Variants in KCTD5 observed in about 807,000 individuals in gnomAD.
The protein encoded by KCTD5 is potassium channel tetramerization domain containing 5, also known as BTB/POZ domain-containing protein KCTD5.
Under a neutral mutation model 27.9 loss-of-function variants are expected in KCTD5, and 12 were observed. That is an observed-to-expected ratio of 0.43 (90% CI 0.28 to 0.70). The LOEUF (loss-of-function observed/expected upper bound fraction) is 0.70. Among genes scored for constraint, KCTD5 ranks in the 30% least tolerant of loss-of-function variants. The probability of loss-of-function intolerance (pLI) is 0.19; values close to 1 mark genes in which losing one functional copy is unlikely to be tolerated. For missense variants in KCTD5, 226 were observed against 274.8 expected, an observed-to-expected ratio of 0.82 and a Z score of 1.26; for synonymous variants, 147 against 121.4, an observed-to-expected ratio of 1.21 and a Z score of -1.39.
intron 1 of KCTD5, among the ~76,000 whole-genome samples, chr16:2,693,628 T>C (rs1022336558): frequency 1.2e-4 from 19 of 152,334 alleles, no homozygotes; most frequent in African/African-American, 4.3e-4. Context: ...CCTCCTGCCT[T>C]CATCCTTCCA....
chr16:2,703,351 G>A (rs2067621084), intron 5 of KCTD5, among the ~76,000 whole-genome samples: 1 of 152,154 alleles, frequency 6.6e-6, no homozygotes, highest in South Asian at 2.1e-4. Context: ...GCGTGGGTCT[G>A]GGAGAGCCTG....
chr16:2,698,710 A>G (rs1214369006), intron 3 of KCTD5, among the ~76,000 whole-genome samples: 1 of 152,004 alleles, frequency 6.6e-6, no homozygotes, highest in Non-Finnish European at 1.5e-5. Context: ...GGCCCTGTGC[A>G]GACGCTCCTA....
chr16:2,707,130 G>A (rs1232064814), intron 5 of KCTD5, among the ~76,000 whole-genome samples, 168 bp from the exon 6 acceptor site: 1 of 152,138 alleles, frequency 6.6e-6, no homozygotes, highest in Non-Finnish European at 1.5e-5. Flanking sequence ...CCCCGGTGAA[G>A]GTCCTGGGCC....
At position 2,707,567 on chromosome 16, in the gene KCTD5, G is replaced by A. The variant is rs190073801; in HGVS notation, c.*240G>A. 331 of 624,660 alleles carry A rather than the reference G, an allele frequency of 5.3e-4. No individual in the cohort carries two copies. The African/African-American group carries it at 5.3e-3, about 10-fold the overall frequency. The allele number at this position is 624,660 out of a possible 1,614,324, so 38.7% of individuals were successfully genotyped here. On this transcript the variant is annotated 3_prime_UTR_variant, in exon 6 of 6. Transcript: ENST00000301738. ...CGGGTGGGCGCTGCCTCTTGGGGGGGCCTCGCTCTGTTTTTTCCAAGTGCC... is the reference window on the plus strand; with the variant it reads ...CGGGTGGGCGCTGCCTCTTGGGGGGACCTCGCTCTGTTTTTTCCAAGTGCC...
At chr16:2,707,213 G>T (rs1218835179) in intron 5 of KCTD5, 85 bp from the exon 6 acceptor site, 24 of 1,368,060 alleles carry the variant, frequency 1.8e-5, no homozygotes, top group Admixed American at 5.5e-5. Context: ...CCCCAGGCCT[G>T]TGGGCTCTGT....
intron 3 of KCTD5, chr16:2,699,402 T>G (rs2067601467): frequency 8.4e-6 from 3 of 357,032 alleles, no homozygotes; most frequent in African/African-American, 6.4e-5. Context: ...TTCAAGAGCC[T>G]TTTTCTGGTA....
chr16:2,696,927 C>A (rs993721636), intron 2 of KCTD5, among the ~76,000 whole-genome samples: 1 of 152,224 alleles, frequency 6.6e-6, no homozygotes, highest in Non-Finnish European at 1.5e-5. Flanking sequence ...GTCGTGGAGC[C>A]GCTCGAGTCG....
At chr16:2,699,116 A>G (rs1357241760) in intron 3 of KCTD5, 1 of 456,036 alleles carries the variant, frequency 2.2e-6, no homozygotes, top group South Asian at 1.5e-5. Flanking sequence ...TCAGGGACCC[A>G]GGACCTCTGA....
chr16:2,697,318 C>T, intron 2 of KCTD5: 1 of 153,288 alleles, frequency 6.5e-6, no homozygotes, highest in Non-Finnish European at 1.5e-5. Flanking sequence ...GTTTGCAGTC[C>T]CTAAGTGCGG....
intron 5 of KCTD5, 44 bp downstream of exon 5, chr16:2,702,522 G>T: frequency 6.2e-7 from 1 of 1,602,946 alleles, no homozygotes; most frequent in South Asian, 1.1e-5. Context: ...CTTGGGTGGG[G>T]AAGGCTCTTG....
chr16:2,705,292 C>T (rs538421026), intron 5 of KCTD5, among the ~76,000 whole-genome samples: 15 of 152,254 alleles, frequency 9.9e-5, no homozygotes, highest in Non-Finnish European at 8.8e-5. Context: ...GAGAGCCGTC[C>T]GCACTCCATG....
At chr16:2,687,729 G>A (rs1328137709) in intron 1 of KCTD5, among the ~76,000 whole-genome samples, 1 of 151,282 alleles carries the variant, frequency 6.6e-6, no homozygotes, top group Non-Finnish European at 1.5e-5. Flanking sequence ...AGGCACTTTG[G>A]TTCTTTTAGC....
In KCTD5 at chr16:2,707,493, G is replaced by A. The variant is rs761746236; in HGVS notation, c.*166G>A. ...CTCTGAGGTGGGTGGTGAGAGACGG[G>A]CCCAGCTGTCCAAGGCCAGACGTCC... On this transcript the variant is annotated 3_prime_UTR_variant, in exon 6 of 6. Transcript: ENST00000301738. The A allele has an allele frequency of 1.0e-5, 8 of 775,988 alleles. No individual in the cohort carries two copies. Among genetic ancestry groups the A allele is most frequent in the Admixed American group, 6.0e-5 (3 of 50,272 alleles). 48.1% of individuals were successfully genotyped at this position (775,988 alleles called of 1,614,324 possible).
In KCTD5 at chr16:2,707,335, A is replaced by G. The variant is rs764303168; in HGVS notation, c.*8A>G. The G allele has an allele frequency of 5.6e-6, 9 of 1,613,424 alleles. No homozygotes were observed. Among genetic ancestry groups the G allele is most frequent in the Admixed American group, 1.7e-5 (1 of 60,014 alleles). On this transcript the variant is annotated 3_prime_UTR_variant, in exon 6 of 6. Coordinates refer to ENST00000301738, the MANE Select transcript of KCTD5 (RefSeq NM_018992.4). The stretch of plus-strand genomic sequence containing the variant: ...CGAGGCTCAAGGATGTGAGGGACAC[A>G]GTATTGACAGCTGAAGAAATGATTT...
At chr16:2,707,248 G>C in intron 5 of KCTD5, 50 bp from the exon 6 acceptor site, 2 of 1,592,302 alleles carry the variant, frequency 1.3e-6, no homozygotes, top group Non-Finnish European at 1.7e-6. Context: ...GCCTGGTCAG[G>C]GACACCTCCT....
chr16:2,704,253 G>A (rs1031703008), intron 5 of KCTD5, among the ~76,000 whole-genome samples: 7 of 152,244 alleles, frequency 4.6e-5, no homozygotes, highest in African/African-American at 7.2e-5. Context: ...GGCCGTGGGG[G>A]ATTGCGGGGG....
intron 4 of KCTD5, 122 bp downstream of exon 4, chr16:2,700,038 G>C (rs1295716980): frequency 2.8e-5 from 25 of 907,744 alleles, no homozygotes; most frequent in Middle Eastern, 2.7e-4. Flanking sequence ...TGCAGTTCTG[G>C]GGGTGCTCAC....
chr16:2,701,267 G>A (rs2142058255), intron 4 of KCTD5, among the ~76,000 whole-genome samples: 1 of 152,322 alleles, frequency 6.6e-6, no homozygotes, highest in South Asian at 2.1e-4. Context: ...ATTACGACCT[G>A]CTTGGCACGC....
chr16:2,700,422 G>A (rs1454746750), intron 4 of KCTD5, among the ~76,000 whole-genome samples: 5 of 152,220 alleles, frequency 3.3e-5, no homozygotes. Context: ...ATGGGTCTGT[G>A]CAGGGCATGC....
Sources: allele counts gnomAD v4.1 joint callset (sites outside exome capture counted in the v4.1 genomes callset), GRCh38; gene constraint gnomAD v4.1.1; transcripts MANE v1.5; gene names NCBI Gene and HGNC (gene_info 2026-07-23, HGNC 2026-07-21).